DSG2: variants seen among roughly 807,000 people sequenced by gnomAD.
The protein encoded by DSG2 is desmoglein-2.
A neutral mutation model predicts 75.6 loss-of-function variants in DSG2; 45 were observed. The ratio of observed to expected loss-of-function variants is 0.60; its 90% CI spans 0.47 to 0.76. The LOEUF is 0.76. DSG2 is among the 30% of genes least tolerant of loss of function. The pLI is 0.00. For synonymous variants in DSG2, 429 were observed against 483.9 expected (o/e 0.89, Z 1.49); for missense variants, 1,267 against 1,357.4 (o/e 0.93, Z 1.05).
rs778221328 is a variant in DSG2, at chr18:31,546,768, C to CAG, written c.*28_*29dup. 3.2e-5 allele frequency: 51 copies of CAG among 1,609,426 alleles called. No individual in the cohort carries two copies. The highest frequency in any genetic ancestry group is 4.3e-5 in the Non-Finnish European group (50 of 1,175,942). On this transcript the variant is annotated 3_prime_UTR_variant, in exon 15 of 15. Transcript: ENST00000261590. ...AACAGCAGTCAGCCACAAACTGACC[C>CAG]AGAGTTTAATTAGCAGTGACTAATT...
rs730880077 is a variant in DSG2, at chr18:31,536,340, A to T, written c.1562A>T (p.Asp521Val). The change falls in exon 11 of 15, where the codon GAT (aspartate) becomes GTT (valine). Residue 521 changes from aspartate to valine, a missense_variant. Transcript: ENST00000261590. ...GTGAATGTTACTGCAGAGGACCTGGATGGACACCCAAACAGTGGCCCTTTC... is the reference window on the plus strand; with the variant it reads ...GTGAATGTTACTGCAGAGGACCTGGTTGGACACCCAAACAGTGGCCCTTTC... ...EYVNVTAEDL[D>V]GHPNSGPFSF... 6.2e-7 allele frequency: 1 copy of T among 1,614,230 alleles called. No homozygotes were observed. The highest frequency in any genetic ancestry group is 8.5e-7 in the Non-Finnish European group (1 of 1,180,038).
chr18:31,526,930 T>G (rs2073166242), intron 8 of DSG2, among the ~76,000 whole-genome samples: 3 of 152,234 alleles, frequency 2.0e-5, no homozygotes, highest in Admixed American at 1.3e-4. Context: ...AAGCTAAGCC[T>G]AATTTATTAT....
At chr18:31,517,410 T>C (rs904967463) in intron 1 of DSG2, among the ~76,000 whole-genome samples, 1 of 152,236 alleles carries the variant, frequency 6.6e-6, no homozygotes, top group African/African-American at 2.4e-5. Context: ...TAACCTATTA[T>C]ACATATCAAA....
At chr18:31,527,719 A>G (rs1279662444) in intron 8 of DSG2, among the ~76,000 whole-genome samples, 1 of 152,250 alleles carries the variant, frequency 6.6e-6, no homozygotes, top group East Asian at 1.9e-4. Context: ...GCAGAAATGA[A>G]TATCTTAGTC....
At chr18:31,517,178 TACA>T (rs2073098996) in intron 1 of DSG2, among the ~76,000 whole-genome samples, 1 of 152,118 alleles carries the variant, frequency 6.6e-6, no homozygotes, top group Non-Finnish European at 1.5e-5. Flanking sequence ...GAAATACAAA[TACA>T]ACATCTTCTC....
chr18:31,536,353 C>T lies in DSG2; in HGVS notation c.1575C>T (p.Asn525=). ...VTAEDLDGHP[N]SGPFSFSVID... ...CAGAGGACCTGGATGGACACCCAAA[C>T]AGTGGCCCTTTCAGTTTCTCCGTCA... Residue 525 remains asparagine, a synonymous_variant, in exon 11 of 15, where the codon AAC becomes AAT. Coordinates refer to ENST00000261590, the MANE Select transcript of DSG2 (RefSeq NM_001943.5). The T allele has an allele frequency of 6.2e-7, 1 of 1,614,214 alleles. No individual in the cohort carries two copies. The highest frequency in any genetic ancestry group is 8.5e-7 in the Non-Finnish European group (1 of 1,180,038).
chr18:31,534,801 C>G (rs2073219447), intron 9 of DSG2, among the ~76,000 whole-genome samples: 1 of 152,196 alleles, frequency 6.6e-6, no homozygotes, highest in African/African-American at 2.4e-5. Flanking sequence ...TGAGCCACCG[C>G]ACCTGGCCCC....
chr18:31,535,723 G>A (rs1170335233), intron 10 of DSG2, among the ~76,000 whole-genome samples: 1 of 151,730 alleles, frequency 6.6e-6, no homozygotes, highest in South Asian at 2.1e-4. Context: ...GAACCCAGGA[G>A]GTAGAGGAGC....
At chr18:31,530,664 C>G (rs962989936) in intron 8 of DSG2, among the ~76,000 whole-genome samples, 10 of 152,148 alleles carry the variant, frequency 6.6e-5, no homozygotes, top group Admixed American at 3.9e-4. Flanking sequence ...AGTGATCTAC[C>G]TGCCTTGGCT....
At chr18:31,500,889 C>T (rs2073010255) in intron 1 of DSG2, among the ~76,000 whole-genome samples, 1 of 152,164 alleles carries the variant, frequency 6.6e-6, no homozygotes, top group East Asian at 1.9e-4. Flanking sequence ...GAATTAATTA[C>T]ATATATATTT....
At chr18:31,505,417 A>G (rs759283265) in intron 1 of DSG2, among the ~76,000 whole-genome samples, 3 of 152,226 alleles carry the variant, frequency 2.0e-5, no homozygotes, top group African/African-American at 7.2e-5. Context: ...CAGTTATACA[A>G]TTAAGGTTTC....
chr18:31,538,333 G>A (rs758947418), intron 11 of DSG2, among the ~76,000 whole-genome samples: 4 of 152,126 alleles, frequency 2.6e-5, no homozygotes, highest in Non-Finnish European at 5.9e-5. Flanking sequence ...GCTGAGGATG[G>A]GTACCATGGG....
chr18:31,538,070 C>T (rs1287164648), intron 11 of DSG2, among the ~76,000 whole-genome samples: 1 of 151,898 alleles, frequency 6.6e-6, no homozygotes, highest in East Asian at 1.9e-4. Flanking sequence ...TGAAGAATGT[C>T]GTGCTATCTG....
intron 1 of DSG2, among the ~76,000 whole-genome samples, chr18:31,501,144 C>G (rs1350309739): frequency 1.3e-5 from 2 of 152,012 alleles, no homozygotes; most frequent in Non-Finnish European, 2.9e-5. Context: ...TTTAAAAATG[C>G]TGATAACTAT....
Position 31,535,332 on chromosome 18 carries a change from A to T in DSG2, c.1343A>T (p.Lys448Ile), listed in dbSNP as rs766455001. The T allele has an allele frequency of 1.2e-6, 2 of 1,605,642 alleles. No homozygotes were observed. Among genetic ancestry groups the T allele is most frequent in the African/African-American group, 1.3e-5 (1 of 74,770 alleles). Residue 448 changes from lysine (K) to isoleucine (I), a missense_variant, in exon 10 of 15, where the codon AAA (lysine) becomes ATA (isoleucine). Coordinates refer to ENST00000261590, the MANE Select transcript of DSG2 (RefSeq NM_001943.5). Reference sequence around the variant, plus strand: ...GTGGATTCTGTCACATCTGAAATTAAACTTGCAAAACTTCCTGATTTTGAA... The same window carrying T: ...GTGGATTCTGTCACATCTGAAATTATACTTGCAAAACTTCCTGATTTTGAA... Reference protein sequence around the residue: ...ISVDSVTSEIKLAKLPDFESR... With the variant: ...ISVDSVTSEIILAKLPDFESR...
chr18:31,510,192 C>T (rs746703972), intron 1 of DSG2, among the ~76,000 whole-genome samples: 25 of 152,196 alleles, frequency 1.6e-4, no homozygotes, highest in Non-Finnish European at 2.8e-4. Context: ...AAAGATAGTC[C>T]GTTGAGCACA....
intron 9 of DSG2, among the ~76,000 whole-genome samples, chr18:31,532,603 A>C (rs893759350): frequency 6.6e-6 from 1 of 152,106 alleles, no homozygotes; most frequent in African/African-American, 2.4e-5. Flanking sequence ...CATTTTTTCC[A>C]AAGTAATGTT....
At chr18:31,518,367 CAT>C in intron 2 of DSG2, 93 bp downstream of exon 2, 1 of 1,080,700 alleles carries the variant, frequency 9.3e-7, no homozygotes, top group African/African-American at 1.5e-5. Flanking sequence ...ATTGAAGACA[CAT>C]GTTGTATTAG....
At chr18:31,516,258 T>G (rs2144308401) in intron 1 of DSG2, among the ~76,000 whole-genome samples, 1 of 152,228 alleles carries the variant, frequency 6.6e-6, no homozygotes, top group Admixed American at 6.5e-5. Context: ...GGATTAAGGT[T>G]CTTGAAGATA....
Sources: gnomAD v4.1 joint callset for allele counts (sites outside exome capture counted in the v4.1 genomes callset) on GRCh38, gnomAD v4.1.1 for gene constraint, MANE v1.5 for transcripts, NCBI Gene and HGNC (gene_info 2026-07-23, HGNC 2026-07-21) for gene names.